Variants in CLASP1 observed in about 807,000 individuals in gnomAD.
The protein encoded by CLASP1 is cytoplasmic linker associated protein 1.
CLASP1 carries 38 observed loss-of-function variants against 192.3 expected under a neutral mutation model. The ratio of observed to expected loss-of-function variants is 0.20; its 90% CI spans 0.15 to 0.26. The LOEUF (loss-of-function observed/expected upper bound fraction) is 0.26, where lower values mean the gene tolerates loss of function less well. Ranked by LOEUF, CLASP1 falls within the 10% of genes least tolerant of loss-of-function variation. The pLI, the probability that CLASP1 is intolerant of heterozygous loss-of-function variation, is 1.00. For missense variants in CLASP1, 1,433 were observed against 1,932.5 expected (o/e 0.74, Z 4.85); for synonymous variants, 691 against 712.8 (o/e 0.97, Z 0.49).
At chr2:121,398,431 T>A (rs774715953) in intron 28 of CLASP1, 31 bp from the exon 30 acceptor site, 12 of 1,391,174 alleles carry the variant, frequency 8.6e-6, no homozygotes, top group Admixed American at 2.0e-5. Flanking sequence ...TGCTTATTTT[T>A]AAAGAAATTT....
At chr2:121,584,946 G>A (rs72971294) in intron 2 of CLASP1, among the ~76,000 whole-genome samples, 5,865 of 152,218 alleles carry the variant, frequency 0.039, 160 homozygotes, top group East Asian at 0.14. Context: ...CTATCACACT[G>A]GATGCTATAA....
intron 2 of CLASP1, among the ~76,000 whole-genome samples, chr2:121,536,192 T>C (rs1315609686): frequency 2.7e-5 from 4 of 150,610 alleles, no homozygotes; most frequent in Admixed American, 6.6e-5. Context: ...CCATCCTGGC[T>C]AACACAGTGA....
chr2:121,544,440 A>AG lies in CLASP1; in HGVS notation c.196-14116_196-14115insC, dbSNP rs2095291548. 5.9e-5 allele frequency among the ~76,000 whole-genome samples: 5 copies of AG among 84,748 alleles called. No homozygotes were observed. In the South Asian group the frequency reaches 2.0e-3, roughly 33 times the overall value. The allele number at this position is 84,748 out of a possible 152,430, so 55.6% of individuals were successfully genotyped here. On this transcript the variant is annotated intron_variant, in intron 2 of 39. Transcript: ENST00000263710. ...TTTACTACTTTCAAAAAATATATAC[A>AG]AAAAAAAAAAAAAAAAGCTATTACT...
intron 35 of CLASP1, among the ~76,000 whole-genome samples, chr2:121,367,356 CTGTT>C (rs1445970936): frequency 1.3e-5 from 2 of 152,346 alleles, no homozygotes; most frequent in East Asian, 1.9e-4. Flanking sequence ...TCACGTGTGA[CTGTT>C]TATTTCCTCA....
At chr2:121,531,518 C>G (rs891676857) in intron 2 of CLASP1, among the ~76,000 whole-genome samples, 1 of 149,874 alleles carries the variant, frequency 6.7e-6, no homozygotes, top group African/African-American at 2.5e-5. Flanking sequence ...TGGCGTGAAT[C>G]CGGGGGGGTG....
chr2:121,496,340 G>A (rs1394239906), intron 8 of CLASP1, among the ~76,000 whole-genome samples: 2 of 152,286 alleles, frequency 1.3e-5, no homozygotes, highest in South Asian at 2.1e-4. Flanking sequence ...CAGCCATCAA[G>A]TGATCAGAAC....
At chr2:121,484,322 T>TC (rs1459148845) in intron 8 of CLASP1, among the ~76,000 whole-genome samples, 1 of 152,176 alleles carries the variant, frequency 6.6e-6, no homozygotes, top group Non-Finnish European at 1.5e-5. Flanking sequence ...ACCTTCAGCT[T>TC]CCCTCTGTGT....
At chr2:121,518,231 CAAAAAAAAAAAA>C (rs35409200) in intron 6 of CLASP1, among the ~76,000 whole-genome samples, 1 of 49,580 alleles carries the variant, frequency 2.0e-5, no homozygotes, top group African/African-American at 7.1e-5. Flanking sequence ...ACCCCCGTCT[CAAAAAAAAAAAA>C]AAAAAAAAAA....
chr2:121,572,912 CCACTA>C (rs1389758320), intron 2 of CLASP1, among the ~76,000 whole-genome samples: 1 of 152,064 alleles, frequency 6.6e-6, no homozygotes, highest in Non-Finnish European at 1.5e-5. Flanking sequence ...AGCTTGGGTC[CCACTA>C]ACCCAGAGCT....
At chr2:121,361,910 T>C (rs942562843) in intron 37 of CLASP1, among the ~76,000 whole-genome samples, 1 of 152,230 alleles carries the variant, frequency 6.6e-6, no homozygotes, top group African/African-American at 2.4e-5. Flanking sequence ...TGTGCTGTTC[T>C]AGGACTAGCA....
At chr2:121,581,775 C>T (rs1255221541) in intron 2 of CLASP1, among the ~76,000 whole-genome samples, 1 of 152,210 alleles carries the variant, frequency 6.6e-6, no homozygotes, top group African/African-American at 2.4e-5. Context: ...CTCCCAGCTA[C>T]TTGGAAGGCT....
intron 23 of CLASP1, among the ~76,000 whole-genome samples, chr2:121,416,839 C>T (rs574301836): frequency 1.8e-4 from 27 of 152,170 alleles, no homozygotes; most frequent in Non-Finnish European, 3.1e-4. Context: ...AAGACTCTGA[C>T]GATGATAATA....
At chr2:121,573,426 A>C (rs976204422) in intron 2 of CLASP1, among the ~76,000 whole-genome samples, 1 of 152,224 alleles carries the variant, frequency 6.6e-6, no homozygotes, top group African/African-American at 2.4e-5. Flanking sequence ...TTTTTAAGAC[A>C]ACTGTTAAAT....
intron 1 of CLASP1, among the ~76,000 whole-genome samples, chr2:121,611,540 AGAAAGAGGAACT>A (rs1450746251): frequency 7.2e-6 from 1 of 139,798 alleles, no homozygotes; most frequent in Non-Finnish European, 1.6e-5. Context: ...GAGTTACAGG[AGAAAGAGGAACT>A]GGAGGAGGAA....
intron 25 of CLASP1, among the ~76,000 whole-genome samples, chr2:121,406,944 G>A (rs1255349249): frequency 2.6e-5 from 4 of 152,144 alleles, no homozygotes; most frequent in East Asian, 1.9e-4. Flanking sequence ...TGGGCTGGGC[G>A]CGGTGGCTCA....
chr2:121,401,430 G>T, intron 28 of CLASP1, 79 bp downstream of exon 29: 1 of 1,127,424 alleles, frequency 8.9e-7, no homozygotes, highest in Non-Finnish European at 1.3e-6. Context: ...CAAAGGCCAT[G>T]GGTAACAAAA....
chr2:121,531,115 G>T, intron 2 of CLASP1: 1 of 635,414 alleles, frequency 1.6e-6, no homozygotes, highest in Admixed American at 2.3e-5. Flanking sequence ...CGTGGTTTTA[G>T]TGTCGCAAGT....
intron 2 of CLASP1, among the ~76,000 whole-genome samples, chr2:121,592,607 A>G (rs986450567): frequency 1.3e-5 from 2 of 152,214 alleles, no homozygotes; most frequent in African/African-American, 4.8e-5. Flanking sequence ...GGTGAACTAG[A>G]AAATCACCCT....
chr2:121,483,484 ATATATATATGTGTG>A (rs1392876387), intron 8 of CLASP1, among the ~76,000 whole-genome samples: 2 of 151,608 alleles, frequency 1.3e-5, no homozygotes, highest in Non-Finnish European at 2.9e-5. Context: ...ATATGTATGT[ATATATATATGTGTG>A]TATATATATG....
Sources: gnomAD v4.1 joint callset for allele counts (sites outside exome capture counted in the v4.1 genomes callset) on GRCh38, gnomAD v4.1.1 for gene constraint, MANE v1.5 for transcripts, NCBI Gene and HGNC (gene_info 2026-07-23, HGNC 2026-07-21) for gene names.